CPED1: variants seen among roughly 807,000 people sequenced by gnomAD.
CPED1 encodes cadherin like and PC-esterase domain containing 1.
CPED1 carries 114 observed loss-of-function variants against 128.2 expected under a neutral mutation model. That is an observed-to-expected ratio of 0.89 (90% CI 0.76 to 1.04). The LOEUF (loss-of-function observed/expected upper bound fraction) is 1.04. Among genes scored for constraint, CPED1 ranks in the 50% least tolerant of loss-of-function variants. The pLI is 0.00. For synonymous variants in CPED1, 462 were observed against 426.7 expected, an observed-to-expected ratio of 1.08 and a Z score of -1.02; for missense variants, 1,211 against 1,207.1, an observed-to-expected ratio of 1.00 and a Z score of -0.05.
In CPED1 at chr7:121,294,683, T is replaced by C. The variant is rs1232540560; in HGVS notation, c.2869-757T>C. Among the ~76,000 whole-genome samples the C allele has an allele frequency of 8.5e-5, 13 of 152,130 alleles. No homozygotes were observed. The East Asian group carries it at 2.3e-3, about 27-fold the overall frequency. ...ACCTAAGGGCAGGATTTATCATAAG[T>C]GTGCTCTTACACAAGGAACAATAGA... is the stretch of plus-strand genomic sequence containing the variant. On this transcript the variant is annotated intron_variant, in intron 22 of 22. Transcript: ENST00000310396.
intron 3 of CPED1, among the ~76,000 whole-genome samples, chr7:121,037,049 G>A (rs1236162077): frequency 6.6e-6 from 1 of 152,066 alleles, no homozygotes; most frequent in African/African-American, 2.4e-5. Context: ...TACTCTGCTG[G>A]ATGTATACAA....
At position 120,999,859 on chromosome 7, in the gene CPED1, T is replaced by A. The variant is rs1791781764; in HGVS notation, c.249+9989T>A. On this transcript the variant is annotated intron_variant, in intron 2 of 22. Transcript: ENST00000310396. Reference sequence around the variant, plus strand: ...CAAATTTGTTTACATTAGATACATTTTAATGAAGGCTTGATGAAGCTCAAA... The same window carrying A: ...CAAATTTGTTTACATTAGATACATTATAATGAAGGCTTGATGAAGCTCAAA... Among the ~76,000 whole-genome samples the A allele has an allele frequency of 2.6e-5, 4 of 152,180 alleles. No homozygotes were observed. The South Asian group carries it at 8.3e-4, about 32-fold the overall frequency.
At chr7:121,094,210 A>G (rs1324127604) in intron 5 of CPED1, among the ~76,000 whole-genome samples, 2 of 152,216 alleles carry the variant, frequency 1.3e-5, no homozygotes, top group Non-Finnish European at 2.9e-5. Context: ...AAATTTTAAA[A>G]TAAGAAAATG....
chr7:121,025,101 CT>C, intron 3 of CPED1, among the ~76,000 whole-genome samples: 1 of 152,184 alleles, frequency 6.6e-6, no homozygotes, highest in African/African-American at 2.4e-5. Context: ...AACTCACTTC[CT>C]TTTTAGACTT....
chr7:121,196,193 A>G (rs964328152), intron 16 of CPED1, among the ~76,000 whole-genome samples: 12 of 152,028 alleles, frequency 7.9e-5, no homozygotes, highest in African/African-American at 2.9e-4. Context: ...AGTCCTGGTG[A>G]ATAAAATGGT....
At chr7:121,065,569 A>G (rs928940066) in intron 5 of CPED1, among the ~76,000 whole-genome samples, 1 of 152,118 alleles carries the variant, frequency 6.6e-6, no homozygotes, top group African/African-American at 2.4e-5. Flanking sequence ...CTTGATCCAG[A>G]ACATTAAGTT....
intron 16 of CPED1, among the ~76,000 whole-genome samples, chr7:121,210,913 T>C (rs1444394915): frequency 2.6e-5 from 4 of 151,996 alleles, no homozygotes; most frequent in Admixed American, 1.3e-4. Flanking sequence ...CAAAATCTCA[T>C]GTATCCTACA....
chr7:121,227,898 A>G lies in CPED1; in HGVS notation c.2056-8816A>G, dbSNP rs117072452. On this transcript the variant is annotated intron_variant, in intron 16 of 22. Coordinates refer to ENST00000310396, the MANE Select transcript of CPED1 (RefSeq NM_024913.5). ...AAGGCAGGTTAGAACTCCAAGTAGC[A>G]ACTAATATCCTGAGATTTGCAAAAT... Among the ~76,000 whole-genome samples, 900 of 152,252 alleles carry G rather than the reference A, an allele frequency of 5.9e-3. 7 individuals are homozygous for G. The highest frequency in any genetic ancestry group is 0.011 in the Non-Finnish European group (723 of 68,004).
intron 12 of CPED1, among the ~76,000 whole-genome samples, chr7:121,131,637 T>A (rs1294944126): frequency 1.3e-5 from 2 of 151,972 alleles, no homozygotes; most frequent in Non-Finnish European, 2.9e-5. Context: ...AAGATTGAAT[T>A]CTCTTCTAAT....
intron 16 of CPED1, among the ~76,000 whole-genome samples, chr7:121,215,476 A>G (rs527517484): frequency 1.3e-5 from 2 of 152,250 alleles, no homozygotes; most frequent in Non-Finnish European, 2.9e-5. Context: ...AGGCCAGGGA[A>G]ACTGCATACT....
At chr7:121,117,077 T>TTATATATATATATATATATAAATA (rs1554436998) in intron 7 of CPED1, among the ~76,000 whole-genome samples, 2 of 128,804 alleles carry the variant, frequency 1.6e-5, no homozygotes, top group African/African-American at 6.0e-5. Context: ...TATATACACA[T>TTATATATATATATATATATAAATA]TATATATATA....
At chr7:121,034,029 G>A (rs1006744111) in intron 3 of CPED1, among the ~76,000 whole-genome samples, 1 of 152,108 alleles carries the variant, frequency 6.6e-6, no homozygotes, top group Non-Finnish European at 1.5e-5. Flanking sequence ...AGAACAGGAA[G>A]AAGGAATAAT....
chr7:121,010,581 T>G (rs988431913), intron 2 of CPED1, among the ~76,000 whole-genome samples: 1 of 152,194 alleles, frequency 6.6e-6, no homozygotes, highest in African/African-American at 2.4e-5. Flanking sequence ...ACTTTATTAC[T>G]TTTTTATCTC....
intron 5 of CPED1, among the ~76,000 whole-genome samples, chr7:121,088,453 T>A (rs1303119346): frequency 6.6e-6 from 1 of 150,714 alleles, no homozygotes; most frequent in Non-Finnish European, 1.5e-5. Flanking sequence ...ATGTCAAGAG[T>A]TCAAGACCAG....
intron 18 of CPED1, among the ~76,000 whole-genome samples, chr7:121,248,972 G>C (rs1798604224): frequency 6.6e-6 from 1 of 152,122 alleles, no homozygotes; most frequent in Non-Finnish European, 1.5e-5. Context: ...TAGCCATTTT[G>C]AGAAAGATTC....
At chr7:121,009,033 G>A (rs1276473789) in intron 2 of CPED1, among the ~76,000 whole-genome samples, 3 of 152,012 alleles carry the variant, frequency 2.0e-5, no homozygotes, top group African/African-American at 7.3e-5. Flanking sequence ...CCTTAGCTCA[G>A]TGTTTCCACA....
At chr7:121,184,437 T>C (rs1796959965) in intron 16 of CPED1, among the ~76,000 whole-genome samples, 1 of 152,212 alleles carries the variant, frequency 6.6e-6, no homozygotes, top group Admixed American at 6.5e-5. Flanking sequence ...AAGCTGCTTT[T>C]AATTATTTCT....
intron 3 of CPED1, among the ~76,000 whole-genome samples, chr7:121,044,476 T>C (rs1220069227): frequency 6.6e-6 from 1 of 152,000 alleles, no homozygotes; most frequent in Non-Finnish European, 1.5e-5. Flanking sequence ...GACTATACAG[T>C]ATTTTTAAAT....
intron 16 of CPED1, among the ~76,000 whole-genome samples, chr7:121,180,543 T>A (rs1414604773): frequency 6.6e-6 from 1 of 152,030 alleles, no homozygotes; most frequent in Non-Finnish European, 1.5e-5. Flanking sequence ...ACGTGATACA[T>A]TATCTGTACA....
Sources: gnomAD v4.1 joint callset for allele counts (sites outside exome capture counted in the v4.1 genomes callset) on GRCh38, gnomAD v4.1.1 for gene constraint, MANE v1.5 for transcripts, NCBI Gene and HGNC (gene_info 2026-07-23, HGNC 2026-07-21) for gene names.